Variants in SOX5 observed in about 807,000 individuals in gnomAD.
The protein encoded by SOX5 is transcription factor SOX-5.
In SOX5, 9 loss-of-function variants were observed where a neutral mutation model predicts 92.0. The ratio of observed to expected loss-of-function variants is 0.10; its 90% confidence interval spans 0.06 to 0.17. The LOEUF (loss-of-function observed/expected upper bound fraction) is 0.17, where lower values mean the gene tolerates loss of function less well. Among genes scored for constraint, SOX5 ranks in the 10% least tolerant of loss-of-function variants. SOX5 has a pLI of 1.00. For missense variants in SOX5, 642 were observed against 944.5 expected (o/e 0.68, Z 4.20); for synonymous variants, 344 against 336.3 (o/e 1.02, Z -0.25).
intron 4 of SOX5, among the ~76,000 whole-genome samples, chr12:24,093,777 T>C (rs979786017): frequency 2.5e-4 from 38 of 151,848 alleles, no homozygotes; most frequent in African/African-American, 8.7e-4. Context: ...CTATAGTATG[T>C]GCTATTTAAC....
At chr12:23,772,409 C>T (rs1448462941) in intron 3 of SOX5, among the ~76,000 whole-genome samples, 1 of 152,144 alleles carries the variant, frequency 6.6e-6, no homozygotes, top group African/African-American at 2.4e-5. Context: ...ACAAAGCTGG[C>T]TAAAAATGAG....
At chr12:23,739,000 C>CA (rs1351749154) in intron 5 of SOX5, among the ~76,000 whole-genome samples, 2 of 152,148 alleles carry the variant, frequency 1.3e-5, no homozygotes, top group African/African-American at 4.8e-5. Flanking sequence ...AGACATCAAC[C>CA]ACCAAGTAGA....
At chr12:23,856,321 C>T (rs2096688949) in intron 2 of SOX5, among the ~76,000 whole-genome samples, 1 of 152,070 alleles carries the variant, frequency 6.6e-6, no homozygotes, top group Admixed American at 6.6e-5. Context: ...ATAAAAAGCA[C>T]CTTTACATTA....
intron 4 of SOX5, chr12:24,212,494 C>T (rs552344258): frequency 6.6e-5 from 35 of 533,448 alleles, no homozygotes; most frequent in East Asian, 4.9e-4. Flanking sequence ...AGCAGTAACA[C>T]GGGAGGGGTT....
intron 2 of SOX5, among the ~76,000 whole-genome samples, chr12:24,349,819 G>T (rs1213905719): frequency 6.6e-6 from 1 of 152,236 alleles, no homozygotes; most frequent in South Asian, 2.1e-4. Flanking sequence ...TTGCTGGATT[G>T]TATGGTAAAT....
intron 12 of SOX5, among the ~76,000 whole-genome samples, chr12:23,545,484 G>A (rs1942951294): frequency 6.6e-6 from 1 of 152,108 alleles, no homozygotes; most frequent in African/African-American, 2.4e-5. Context: ...GTTCAGAGAT[G>A]ATACAGAAAA....
chr12:24,326,791 T>TACACACACACACAC (rs10527019), intron 2 of SOX5, among the ~76,000 whole-genome samples: 29,184 of 148,664 alleles, frequency 0.2, 3,137 homozygotes, highest in Admixed American at 0.27. Flanking sequence ...TACACACACA[T>TACACACACACACAC]ACACACACAC....
intron 5 of SOX5, among the ~76,000 whole-genome samples, chr12:23,736,187 T>A (rs921394634): frequency 6.7e-6 from 1 of 148,942 alleles, no homozygotes; most frequent in African/African-American, 2.5e-5. Flanking sequence ...CTTGGCCGGG[T>A]GTGGTGGCTC....
chr12:24,062,412 C>T (rs1424362889), intron 4 of SOX5, among the ~76,000 whole-genome samples: 2 of 152,060 alleles, frequency 1.3e-5, no homozygotes, highest in African/African-American at 2.4e-5. Context: ...AGTTGTTTGC[C>T]GAAAAGAAAT....
At chr12:24,292,678 CTTAG>C (rs1946754134) in intron 2 of SOX5, among the ~76,000 whole-genome samples, 2 of 152,174 alleles carry the variant, frequency 1.3e-5, no homozygotes, top group African/African-American at 2.4e-5. Context: ...TTTTGTTCTT[CTTAG>C]TTAAGAAAAG....
chr12:24,141,124 A>T (rs556710990), intron 4 of SOX5, among the ~76,000 whole-genome samples: 14 of 152,304 alleles, frequency 9.2e-5, no homozygotes, highest in African/African-American at 3.4e-4. Context: ...ACTTCACTAA[A>T]TTACTCTGAA....
chr12:24,297,317 T>C (rs935757872), intron 2 of SOX5, among the ~76,000 whole-genome samples: 14 of 152,238 alleles, frequency 9.2e-5, no homozygotes, highest in Non-Finnish European at 7.3e-5. Context: ...CAACCAGCGC[T>C]GAGCTTCATC....
At chr12:23,876,545 T>C (rs1415227308) in intron 2 of SOX5, among the ~76,000 whole-genome samples, 2 of 152,200 alleles carry the variant, frequency 1.3e-5, no homozygotes, top group Non-Finnish European at 2.9e-5. Flanking sequence ...ATAAATTAGT[T>C]CAACCATTGT....
chr12:24,183,177 T>C (rs1455136664), intron 4 of SOX5, among the ~76,000 whole-genome samples: 1 of 152,364 alleles, frequency 6.6e-6, no homozygotes, highest in East Asian at 1.9e-4. Flanking sequence ...CTAGATTATG[T>C]ATTCCTCTAA....
At chr12:23,972,443 C>G (rs1948449693) in intron 4 of SOX5, among the ~76,000 whole-genome samples, 1 of 152,022 alleles carries the variant, frequency 6.6e-6, no homozygotes, top group Non-Finnish European at 1.5e-5. Flanking sequence ...CTGCAACCTC[C>G]ACCTCCTGGG....
At chr12:24,343,671 T>C (rs1362243506) in intron 2 of SOX5, among the ~76,000 whole-genome samples, 1 of 152,110 alleles carries the variant, frequency 6.6e-6, no homozygotes, top group African/African-American at 2.4e-5. Flanking sequence ...AAGGACAGTA[T>C]AGGTACATAG....
intron 2 of SOX5, among the ~76,000 whole-genome samples, chr12:24,310,795 C>A (rs1949086507): frequency 1.3e-5 from 2 of 151,748 alleles, no homozygotes; most frequent in Admixed American, 6.6e-5. Flanking sequence ...TCATTAATAG[C>A]ATAAATGGTT....
chr12:24,127,932 T>C (rs755668021), intron 4 of SOX5, among the ~76,000 whole-genome samples: 36 of 152,172 alleles, frequency 2.4e-4, no homozygotes, highest in Admixed American at 9.2e-4. Context: ...CTTAGGGAAA[T>C]AGATCGGATC....
chr12:24,302,459 CA>C (rs1321590453), intron 2 of SOX5, among the ~76,000 whole-genome samples: 4 of 152,134 alleles, frequency 2.6e-5, no homozygotes, highest in Admixed American at 2.6e-4. Flanking sequence ...GCTTGAAAAA[CA>C]TTTTCAGAGA....
Sources: gnomAD v4.1 joint callset for allele counts (sites outside exome capture counted in the v4.1 genomes callset) on GRCh38, gnomAD v4.1.1 for gene constraint, MANE v1.5 for transcripts, NCBI Gene and HGNC (gene_info 2026-07-23, HGNC 2026-07-21) for gene names.